TENM3: variants seen among roughly 807,000 people sequenced by gnomAD.
TENM3 encodes the protein teneurin-3.
In TENM3, 63 loss-of-function variants were observed where a neutral mutation model predicts 255.1. The ratio of observed to expected loss-of-function variants is 0.25; its 90% confidence interval spans 0.20 to 0.30. The LOEUF (loss-of-function observed/expected upper bound fraction) is 0.30, where lower values mean the gene tolerates loss of function less well. Ranked by LOEUF, TENM3 falls within the 10% of genes least tolerant of loss-of-function variation. The probability of loss-of-function intolerance (pLI) is 1.00; values close to 1 mark genes in which losing one functional copy is unlikely to be tolerated. For missense variants in TENM3, 2,929 were observed against 3,461.1 expected (o/e 0.85, Z 3.86); for synonymous variants, 1,306 against 1,322.3 (o/e 0.99, Z 0.27).
chr4:182,550,273 A>G (rs1490814148), intron 3 of TENM3, among the ~76,000 whole-genome samples: 2 of 152,252 alleles, frequency 1.3e-5, no homozygotes, highest in Non-Finnish European at 2.9e-5. Context: ...GAATTTAAGA[A>G]TTAGAATATA....
the TENM3 span, among the ~76,000 whole-genome samples, chr4:181,766,341 G>A: frequency 1.3e-5 from 2 of 152,150 alleles, no homozygotes; most frequent in East Asian, 1.9e-4. Flanking sequence ...GGCTCCTACC[G>A]TTGCCACCAG....
chr4:181,767,044 A>C, the TENM3 span, among the ~76,000 whole-genome samples: 4 of 144,234 alleles, frequency 2.8e-5, no homozygotes, highest in Non-Finnish European at 4.5e-5. Flanking sequence ...CGAGGTCAGG[A>C]GATCAAGACC....
At chr4:182,456,863 T>C (rs1269237810) in intron 3 of TENM3, among the ~76,000 whole-genome samples, 1 of 152,120 alleles carries the variant, frequency 6.6e-6, no homozygotes, top group Non-Finnish European at 1.5e-5. Flanking sequence ...TCTGCTCTCT[T>C]GCTCCATCTT....
At chr4:181,640,573 A>G in the TENM3 span, among the ~76,000 whole-genome samples, 3 of 152,178 alleles carry the variant, frequency 2.0e-5, no homozygotes, top group Admixed American at 6.5e-5. Flanking sequence ...ATACTTATGC[A>G]TGATTACCAG....
chr4:182,528,623 C>T (rs971417874), intron 3 of TENM3, among the ~76,000 whole-genome samples: 2 of 152,000 alleles, frequency 1.3e-5, no homozygotes, highest in Admixed American at 6.6e-5. Context: ...CAGTTTATTA[C>T]GGTAAATTAT....
At chr4:181,666,145 T>C in the TENM3 span, among the ~76,000 whole-genome samples, 12 of 152,184 alleles carry the variant, frequency 7.9e-5, no homozygotes, top group East Asian at 2.3e-3. Context: ...AGAAAATACA[T>C]ACGCAAATTA....
the TENM3 span, among the ~76,000 whole-genome samples, chr4:181,777,814 G>A: frequency 9.9e-5 from 15 of 152,058 alleles, no homozygotes; most frequent in African/African-American, 3.6e-4. Flanking sequence ...ATTCACGACA[G>A]TTGCCCCATT....
At chr4:182,261,555 G>A (rs147268744) in intron 1 of TENM3, among the ~76,000 whole-genome samples, 44 of 152,280 alleles carry the variant, frequency 2.9e-4, no homozygotes, top group African/African-American at 9.9e-4. Flanking sequence ...AATAACAAAT[G>A]CGCTTTTAAA....
the TENM3 span, among the ~76,000 whole-genome samples, chr4:181,899,418 A>G: frequency 1.3e-5 from 2 of 152,310 alleles, no homozygotes; most frequent in South Asian, 4.1e-4. Flanking sequence ...AGAAACGTAG[A>G]AAGAAAAATA....
At chr4:181,460,206 T>A in the TENM3 span, among the ~76,000 whole-genome samples, 1 of 152,136 alleles carries the variant, frequency 6.6e-6, no homozygotes, top group Admixed American at 6.6e-5. Flanking sequence ...TTCTGTGAAC[T>A]ATTTTGTAAA....
At chr4:182,694,366 A>C (rs920510008) in intron 12 of TENM3, among the ~76,000 whole-genome samples, 1 of 152,154 alleles carries the variant, frequency 6.6e-6, no homozygotes, top group Non-Finnish European at 1.5e-5. Flanking sequence ...CACCTGCCTC[A>C]GCCTCCCAAG....
intron 1 of TENM3, among the ~76,000 whole-genome samples, chr4:182,217,076 A>AGTGGT (rs1340926820): frequency 8.6e-6 from 1 of 115,904 alleles, no homozygotes; most frequent in African/African-American, 3.3e-5. Flanking sequence ...GCTAGAGTGC[A>AGTGGT]GTGGTGTGAT....
intron 22 of TENM3, among the ~76,000 whole-genome samples, chr4:182,768,309 A>G (rs1763892996): frequency 1.3e-5 from 2 of 152,350 alleles, no homozygotes; most frequent in East Asian, 3.9e-4. Flanking sequence ...GTCAAGTTGT[A>G]AAGAAAGTTT....
chr4:181,858,964 A>G, the TENM3 span, among the ~76,000 whole-genome samples: 1 of 152,164 alleles, frequency 6.6e-6, no homozygotes, highest in Non-Finnish European at 1.5e-5. Flanking sequence ...GATTAATCCA[A>G]CAGCTGTGTG....
chr4:181,818,429 T>G, the TENM3 span, among the ~76,000 whole-genome samples: 2 of 152,150 alleles, frequency 1.3e-5, no homozygotes, highest in Admixed American at 1.3e-4. Flanking sequence ...CTTCTCTTCC[T>G]GACGGCCCGC....
At position 182,174,484 on chromosome 4, in the gene TENM3, G is replaced by A. The variant is rs547286302; in HGVS notation, c.-76+29730G>A. Reference sequence around the variant, plus strand: ...CTTCTTCTGATTTCATCTAAGGAAAGCTTCCTTAGCTACTAATTCACACAC... The same window carrying A: ...CTTCTTCTGATTTCATCTAAGGAAAACTTCCTTAGCTACTAATTCACACAC... On this transcript the variant is annotated intron_variant, in intron 1 of 2. Coordinates refer to the TENM3 transcript ENST00000512480. Among the ~76,000 whole-genome samples, 13 of 128,446 alleles carry A rather than the reference G, an allele frequency of 1.0e-4. No homozygotes were observed. In the South Asian group the frequency reaches 1.9e-3, roughly 18 times the overall value. The allele number at this position is 128,446 out of a possible 152,430, so 84.3% of individuals were successfully genotyped here.
chr4:182,035,580 C>A, the TENM3 span, among the ~76,000 whole-genome samples: 1 of 152,124 alleles, frequency 6.6e-6, no homozygotes. Flanking sequence ...TATCTATTGG[C>A]TAGTGTCATT....
the TENM3 span, among the ~76,000 whole-genome samples, chr4:181,652,697 C>G: frequency 6.6e-6 from 1 of 152,138 alleles, no homozygotes; most frequent in African/African-American, 2.4e-5. Flanking sequence ...ACTTCCAAAA[C>G]TTAAAGTACA....
intron 3 of TENM3, among the ~76,000 whole-genome samples, chr4:182,447,648 T>G (rs1773038510): frequency 1.3e-5 from 2 of 152,188 alleles, no homozygotes; most frequent in Admixed American, 1.3e-4. Context: ...TTTTTTGGTT[T>G]GGGTCTGTAT....
Sources: gnomAD v4.1 joint callset for allele counts (sites outside exome capture counted in the v4.1 genomes callset) on GRCh38, gnomAD v4.1.1 for gene constraint, MANE v1.5 for transcripts, NCBI Gene and HGNC (gene_info 2026-07-23, HGNC 2026-07-21) for gene names.